The following PLPPR1 variants were observed in gnomAD, a reference collection of about 807,000 sequenced individuals.
PLPPR1 encodes phospholipid phosphatase related 1, also known as phospholipid phosphatase-related protein type 1.
A neutral mutation model predicts 33.1 loss-of-function variants in PLPPR1; 10 were observed. That is an observed-to-expected ratio of 0.30 (90% CI 0.19 to 0.51). PLPPR1 has a LOEUF of 0.51. Among genes scored for constraint, PLPPR1 ranks in the 20% least tolerant of loss-of-function variants. PLPPR1 has a pLI of 0.97. For synonymous variants in PLPPR1, 151 were observed against 151.0 expected (o/e 1.00, Z 0.00); for missense variants, 304 against 408.1 (o/e 0.74, Z 2.20).
At chr9:101,256,132 A>G (rs1056168443) in intron 2 of PLPPR1, among the ~76,000 whole-genome samples, 11 of 152,268 alleles carry the variant, frequency 7.2e-5, no homozygotes, top group East Asian at 1.9e-4. Context: ...AAAAACAACA[A>G]CAGCAGCAAC....
At chr9:101,256,512 T>A (rs1827805754) in intron 2 of PLPPR1, among the ~76,000 whole-genome samples, 1 of 152,106 alleles carries the variant, frequency 6.6e-6, no homozygotes, top group African/African-American at 2.4e-5. Flanking sequence ...GCTGACGGCT[T>A]CACCAGAATT....
chr9:101,170,004 C>A (rs557685769), intron 1 of PLPPR1, among the ~76,000 whole-genome samples: 16 of 151,726 alleles, frequency 1.1e-4, no homozygotes, highest in African/African-American at 3.4e-4. Context: ...ACCTAAGAGT[C>A]AATCAGGAGC....
In PLPPR1 at chr9:101,264,571, T is replaced by G. The variant is rs370150430; in HGVS notation, c.64-5309T>G. 3.9e-5 allele frequency among the ~76,000 whole-genome samples: 6 copies of G among 152,328 alleles called. No homozygotes were observed. In the South Asian group the frequency reaches 1.2e-3, roughly 32 times the overall value. On this transcript the variant is annotated intron_variant, in intron 2 of 7. Coordinates refer to ENST00000374874, the MANE Select transcript of PLPPR1 (RefSeq NM_207299.2). ...GTTGGTGGGCATGCCCCAGGTAGATTACAAATTACATGGGGTTGGAGAGCA... is the reference window on the plus strand; with the variant it reads ...GTTGGTGGGCATGCCCCAGGTAGATGACAAATTACATGGGGTTGGAGAGCA...
At chr9:101,126,881 A>G (rs1831251813) in intron 1 of PLPPR1, among the ~76,000 whole-genome samples, 1 of 152,072 alleles carries the variant, frequency 6.6e-6, no homozygotes, top group Admixed American at 6.5e-5. Context: ...AGCTGCTTTT[A>G]TTAGTGCCCA....
At chr9:101,205,340 T>C (rs1826568592) in intron 2 of PLPPR1, among the ~76,000 whole-genome samples, 1 of 152,230 alleles carries the variant, frequency 6.6e-6, no homozygotes, top group Admixed American at 6.5e-5. Context: ...AGGTGGATCT[T>C]ATTTTTTGAG....
At chr9:101,266,344 C>T (rs1034745474) in intron 2 of PLPPR1, among the ~76,000 whole-genome samples, 16 of 147,012 alleles carry the variant, frequency 1.1e-4, no homozygotes, top group Admixed American at 4.9e-4. Context: ...TGCAGTGAGC[C>T]GAGATCCTGC....
intron 2 of PLPPR1, among the ~76,000 whole-genome samples, chr9:101,235,098 T>C (rs1827273424): frequency 6.6e-6 from 1 of 151,870 alleles, no homozygotes; most frequent in South Asian, 2.1e-4. Flanking sequence ...TTATTTTTGA[T>C]GGTATTTAAC....
In PLPPR1 at chr9:101,069,792, C is replaced by G. The variant is rs575045367; in HGVS notation, c.-46+40690C>G. Among the ~76,000 whole-genome samples the G allele has an allele frequency of 1.7e-3, 261 of 152,222 alleles. 1 individual carries two copies. The highest frequency in any genetic ancestry group is 6.3e-3 in the African/African-American group (260 of 41,532). On this transcript the variant is annotated intron_variant, in intron 1 of 7. Coordinates refer to ENST00000374874, the MANE Select transcript of PLPPR1 (RefSeq NM_207299.2). ...GGAAATTTGTCAGAAATGCAGACTG[C>G]CAGGCTTCACCTCAGGTGATTTGTA... is the stretch of plus-strand genomic sequence containing the variant.
intron 2 of PLPPR1, among the ~76,000 whole-genome samples, chr9:101,194,184 A>G (rs1326027355): frequency 1.3e-5 from 2 of 152,222 alleles, no homozygotes; most frequent in Admixed American, 1.3e-4. Flanking sequence ...GATTTCAAGC[A>G]TATTCTATAT....
At chr9:101,133,412 G>A (rs975683203) in intron 1 of PLPPR1, among the ~76,000 whole-genome samples, 2 of 152,074 alleles carry the variant, frequency 1.3e-5, no homozygotes, top group African/African-American at 2.4e-5. Flanking sequence ...GTTGAATTTG[G>A]CCTCCAATAT....
intron 1 of PLPPR1, among the ~76,000 whole-genome samples, chr9:101,153,611 G>C (rs562604406): frequency 6.6e-6 from 1 of 152,286 alleles, no homozygotes; most frequent in Non-Finnish European, 1.5e-5. Flanking sequence ...GTCTCGCTCT[G>C]TTTCCCATGC....
chr9:101,247,427 GA>G (rs1827631670), intron 2 of PLPPR1, among the ~76,000 whole-genome samples: 1 of 152,020 alleles, frequency 6.6e-6, no homozygotes, highest in South Asian at 2.1e-4. Flanking sequence ...AGCCACCATA[GA>G]AAAAGGAAGG....
chr9:101,234,984 T>A lies in PLPPR1; in HGVS notation c.64-34896T>A, dbSNP rs946145368. Reference sequence around the variant, plus strand: ...ATATTCTTGAGTACAGGGATTTTTTTAAAAAGCTGGGATATCAAGTTTTTC... The same window carrying A: ...ATATTCTTGAGTACAGGGATTTTTTAAAAAAGCTGGGATATCAAGTTTTTC... On this transcript the variant is annotated intron_variant, in intron 2 of 7. Transcript: ENST00000374874. Among the ~76,000 whole-genome samples the A allele has an allele frequency of 3.9e-5, 6 of 152,082 alleles. No homozygotes were observed. In the South Asian group the frequency reaches 8.3e-4, roughly 21 times the overall value.
chr9:101,317,310 C>T, intron 6 of PLPPR1, 55 bp from the exon 7 acceptor site: 1 of 1,563,690 alleles, frequency 6.4e-7, no homozygotes, highest in Non-Finnish European at 8.7e-7. Context: ...CTCACAGATG[C>T]CAGGCATTGA....
chr9:101,152,012 C>G (rs1831594426), intron 1 of PLPPR1, among the ~76,000 whole-genome samples: 1 of 152,176 alleles, frequency 6.6e-6, no homozygotes, highest in Non-Finnish European at 1.5e-5. Flanking sequence ...ACAGTCCCAC[C>G]AACAGTGTAA....
intron 1 of PLPPR1, among the ~76,000 whole-genome samples, chr9:101,147,917 C>A (rs1194336447): frequency 6.6e-6 from 1 of 152,134 alleles, no homozygotes; most frequent in African/African-American, 2.4e-5. Context: ...TGGTCAAGTC[C>A]AAGGGGCTTT....
chr9:101,181,274 C>T (rs1282791789), intron 1 of PLPPR1, among the ~76,000 whole-genome samples: 3 of 149,404 alleles, frequency 2.0e-5, no homozygotes, highest in South Asian at 2.1e-4. Context: ...TTACTTCATA[C>T]CTGTTAGAAT....
At chr9:101,120,422 T>G (rs559644289) in intron 1 of PLPPR1, among the ~76,000 whole-genome samples, 1 of 152,354 alleles carries the variant, frequency 6.6e-6, no homozygotes, top group East Asian at 1.9e-4. Flanking sequence ...TATCCTTGTA[T>G]CATCTATATT....
chr9:101,142,310 A>C (rs1564156290), intron 1 of PLPPR1, among the ~76,000 whole-genome samples: 1 of 152,184 alleles, frequency 6.6e-6, no homozygotes, highest in African/African-American at 2.4e-5. Flanking sequence ...TGAGTGACTT[A>C]ATACAAAAAA....
Sources: gnomAD v4.1 joint callset for allele counts (sites outside exome capture counted in the v4.1 genomes callset) on GRCh38, gnomAD v4.1.1 for gene constraint, MANE v1.5 for transcripts, NCBI Gene and HGNC (gene_info 2026-07-23, HGNC 2026-07-21) for gene names.